The following GRK5 variants were observed in gnomAD, a reference collection of about 807,000 sequenced individuals.
GRK5 encodes G protein-coupled receptor kinase 5.
GRK5 carries 40 observed loss-of-function variants against 78.4 expected under a neutral mutation model. That is an observed-to-expected ratio of 0.51 (90% confidence interval 0.40 to 0.66). GRK5 has a LOEUF of 0.66. Ranked by LOEUF, GRK5 falls within the 30% of genes least tolerant of loss-of-function variation. The pLI is 0.00. For synonymous variants in GRK5, 289 were observed against 296.8 expected, an observed-to-expected ratio of 0.97 and a Z score of 0.27; for missense variants, 598 against 759.9, an observed-to-expected ratio of 0.79 and a Z score of 2.50.
At chr10:119,450,764 G>C (rs540542830) in intron 13 of GRK5, among the ~76,000 whole-genome samples, 109 of 152,172 alleles carry the variant, frequency 7.2e-4, no homozygotes, top group African/African-American at 2.5e-3. Flanking sequence ...AGCCTGACAA[G>C]GTGCACAGAG....
chr10:119,392,720 A>C (rs1470179109), intron 3 of GRK5, among the ~76,000 whole-genome samples: 1 of 152,142 alleles, frequency 6.6e-6, no homozygotes, highest in Non-Finnish European at 1.5e-5. Context: ...GCTTTAAATG[A>C]ACAGAACAGC....
At chr10:119,280,769 C>T (rs956518222) in intron 1 of GRK5, among the ~76,000 whole-genome samples, 1 of 134,986 alleles carries the variant, frequency 7.4e-6, no homozygotes, top group Non-Finnish European at 1.5e-5. Context: ...CCTTCCCTCC[C>T]TCCCTCCTTT....
intron 2 of GRK5, chr10:119,334,916 G>C (rs551993381): frequency 6.6e-6 from 1 of 152,188 alleles, no homozygotes; most frequent in South Asian, 2.1e-4. Flanking sequence ...AGGGGAGATC[G>C]AATTGCCTTG....
chr10:119,435,756 A>T (rs543535986), intron 8 of GRK5, among the ~76,000 whole-genome samples: 39 of 152,124 alleles, frequency 2.6e-4, no homozygotes, highest in African/African-American at 8.9e-4. Context: ...CTTTTTGGGT[A>T]TTTTTTTCAG....
chr10:119,419,816 A>T (rs1187366287), intron 4 of GRK5, among the ~76,000 whole-genome samples: 22 of 152,190 alleles, frequency 1.4e-4, no homozygotes, highest in Non-Finnish European at 1.5e-5. Context: ...CCTTTCCCAG[A>T]TGACCCCAGC....
chr10:119,326,750 T>A, intron 2 of GRK5, 139 bp downstream of exon 2: 3 of 669,896 alleles, frequency 4.5e-6, no homozygotes, highest in Non-Finnish European at 8.0e-6. Flanking sequence ...CACAGTATTG[T>A]GCTTCCAGGT....
At chr10:119,284,513 C>T (rs1849814946) in intron 1 of GRK5, among the ~76,000 whole-genome samples, 1 of 152,164 alleles carries the variant, frequency 6.6e-6, no homozygotes, top group Non-Finnish European at 1.5e-5. Context: ...ATTTTACATT[C>T]CTTTTTCTAT....
intron 4 of GRK5, among the ~76,000 whole-genome samples, chr10:119,400,260 T>C (rs1346974303): frequency 6.6e-6 from 1 of 152,082 alleles, no homozygotes; most frequent in East Asian, 1.9e-4. Flanking sequence ...CAGGGAAGTG[T>C]GGGGTCAGGT....
intron 12 of GRK5, among the ~76,000 whole-genome samples, chr10:119,444,983 TCCTGCAG>T (rs1853114954): frequency 6.6e-6 from 1 of 152,144 alleles, no homozygotes; most frequent in Admixed American, 6.5e-5. Flanking sequence ...GAGGCCCCTC[TCCTGCAG>T]CCAGACACCT....
chr10:119,371,238 C>T (rs527318246), intron 2 of GRK5, among the ~76,000 whole-genome samples: 26 of 152,284 alleles, frequency 1.7e-4, no homozygotes, highest in Admixed American at 1.2e-3. Flanking sequence ...CAGGGATGGC[C>T]GCCCACTCTC....
intron 4 of GRK5, among the ~76,000 whole-genome samples, chr10:119,399,637 G>A (rs746183845): frequency 6.6e-5 from 10 of 152,146 alleles, no homozygotes; most frequent in Non-Finnish European, 1.2e-4. Flanking sequence ...TGTCTCCCCC[G>A]GTAGATTCAC....
At chr10:119,415,557 A>G (rs576545966) in intron 4 of GRK5, among the ~76,000 whole-genome samples, 1 of 152,342 alleles carries the variant, frequency 6.6e-6, no homozygotes, top group East Asian at 1.9e-4. Context: ...GAGCCTCCTC[A>G]ATAGTCCAAA....
intron 6 of GRK5, among the ~76,000 whole-genome samples, chr10:119,428,037 A>G (rs756042542): frequency 2.6e-5 from 4 of 152,282 alleles, no homozygotes; most frequent in Non-Finnish European, 5.9e-5. Context: ...ACTGGGAGGC[A>G]CAGCCAACTC....
rs555186730 is a variant in GRK5 at position 119,356,171 on chromosome 10, A to G, written c.149-24644A>G. ...ATGAAACCAGGGACTAGCAAGAGTA[A>G]ATGCTGTATTCAGACTAAAGGACAT... On this transcript the variant is annotated intron_variant, in intron 2 of 15. Transcript: ENST00000392870. 3.3e-5 allele frequency among the ~76,000 whole-genome samples: 5 copies of G among 152,352 alleles called. No individual in the cohort carries two copies. The East Asian group carries it at 7.7e-4, about 24-fold the overall frequency.
chr10:119,312,530 T>A (rs1850377368), intron 1 of GRK5, among the ~76,000 whole-genome samples: 1 of 152,188 alleles, frequency 6.6e-6, no homozygotes, highest in Non-Finnish European at 1.5e-5. Flanking sequence ...CTACATACTG[T>A]CTCTGTGACC....
intron 1 of GRK5, among the ~76,000 whole-genome samples, chr10:119,323,575 G>C (rs1589744655): frequency 6.6e-6 from 1 of 152,200 alleles, no homozygotes; most frequent in African/African-American, 2.4e-5. Context: ...GGATTGGCTT[G>C]TCTGGAGGCC....
At chr10:119,218,971 C>T (rs6585539) in intron 1 of GRK5, among the ~76,000 whole-genome samples, 73,423 of 148,888 alleles carry the variant, frequency 0.49, 18,049 homozygotes, top group East Asian at 0.66. Context: ...GATCTCAGCT[C>T]ACCGCAACCT....
At chr10:119,258,695 C>T (rs374160234) in intron 1 of GRK5, among the ~76,000 whole-genome samples, 2 of 152,226 alleles carry the variant, frequency 1.3e-5, no homozygotes, top group South Asian at 4.2e-4. Flanking sequence ...GACTCTGGTG[C>T]AATGATTTGA....
chr10:119,436,495 C>T (rs954184771), intron 8 of GRK5, among the ~76,000 whole-genome samples, 156 bp from the exon 9 acceptor site: 6 of 152,214 alleles, frequency 3.9e-5, no homozygotes, highest in African/African-American at 7.2e-5. Flanking sequence ...CCAAGGAGGC[C>T]GCAGGCAGGG....
Sources: gnomAD v4.1 joint callset for allele counts (sites outside exome capture counted in the v4.1 genomes callset) on GRCh38, gnomAD v4.1.1 for gene constraint, MANE v1.5 for transcripts, NCBI Gene and HGNC (gene_info 2026-07-23, HGNC 2026-07-21) for gene names.